The following LRP1B variants were observed in gnomAD, a reference collection of about 807,000 sequenced individuals.
LRP1B encodes the protein LDL receptor related protein 1B.
A neutral mutation model predicts 556.6 loss-of-function variants in LRP1B; 217 were observed. That is an observed-to-expected ratio of 0.39 (90% confidence interval 0.35 to 0.44). The LOEUF (loss-of-function observed/expected upper bound fraction) is 0.44. LRP1B is among the 20% of genes least tolerant of loss of function. The pLI is 1.00. For synonymous variants in LRP1B, 2,047 were observed against 1,865.8 expected (o/e 1.10, Z -2.50); for missense variants, 5,053 against 5,620.8 (o/e 0.90, Z 3.23).
intron 66 of LRP1B, among the ~76,000 whole-genome samples, chr2:140,403,423 A>G (rs1312664570): frequency 6.6e-6 from 1 of 152,188 alleles, no homozygotes; most frequent in African/African-American, 2.4e-5. Context: ...GATGTCATGA[A>G]TAATAACCAA....
chr2:140,733,257 A>T (rs1687836977), intron 35 of LRP1B, among the ~76,000 whole-genome samples: 1 of 152,074 alleles, frequency 6.6e-6, no homozygotes, highest in Admixed American at 6.6e-5. Flanking sequence ...AACACATATG[A>T]GGGAGAGTGT....
intron 27 of LRP1B, among the ~76,000 whole-genome samples, chr2:140,863,694 C>G (rs1692865103): frequency 6.6e-6 from 1 of 152,130 alleles, no homozygotes; most frequent in African/African-American, 2.4e-5. Context: ...TAGTGACTGA[C>G]ATGAGGGAAG....
rs554607279 is a variant in LRP1B, at chr2:141,696,442, G to T, written c.205+113837C>A. 1.7e-4 allele frequency among the ~76,000 whole-genome samples: 26 copies of T among 151,892 alleles called. 1 individual carries two copies. In the South Asian group the frequency reaches 5.2e-3, roughly 30 times the overall value. On this transcript the variant is annotated intron_variant, in intron 2 of 90. Transcript: ENST00000389484. ...TATACAAAATATACCTTGTGATTTT[G>T]CTTTAAACTTATATTTACATTGCCT...
chr2:141,093,045 T>A (rs1700210867), intron 7 of LRP1B, among the ~76,000 whole-genome samples: 2 of 135,316 alleles, frequency 1.5e-5, no homozygotes, highest in Non-Finnish European at 3.2e-5. Context: ...CAAGACTTTT[T>A]TGTTGTTTTT....
chr2:141,644,954 T>C (rs1026110906), intron 2 of LRP1B, among the ~76,000 whole-genome samples: 3 of 152,066 alleles, frequency 2.0e-5, no homozygotes, highest in African/African-American at 7.2e-5. Flanking sequence ...GAAAGAAAAC[T>C]AATTTTAGGG....
At position 142,130,940 on chromosome 2, in the gene LRP1B, G is replaced by C; in HGVS notation, c.-211C>G. 1 of 605,632 alleles carries C rather than the reference G, an allele frequency of 1.7e-6. No individual in the cohort carries two copies. Among genetic ancestry groups the C allele is most frequent in the Non-Finnish European group, 3.0e-6 (1 of 337,198 alleles). The allele number at this position is 605,632 out of a possible 1,614,324, so 37.5% of individuals were successfully genotyped here. ...GGAAGGTGGAGGGATGCGCGCGTGC[G>C]GGAGAGAGGAGGCAGAGCGTGTGTG... On this transcript the variant is annotated 5_prime_UTR_variant, in exon 1 of 91. Transcript: ENST00000389484.
intron 41 of LRP1B, among the ~76,000 whole-genome samples, chr2:140,663,095 A>AT (rs1226500186): frequency 1.3e-5 from 2 of 152,190 alleles, no homozygotes; most frequent in African/African-American, 4.8e-5. Context: ...CAGCTCAATG[A>AT]TATGTTAAAT....
intron 35 of LRP1B, among the ~76,000 whole-genome samples, chr2:140,721,291 G>T (rs924246444): frequency 1.3e-5 from 2 of 151,980 alleles, no homozygotes; most frequent in Non-Finnish European, 1.5e-5. Context: ...TAAAGCATAT[G>T]ATTTTTCCCA....
At chr2:140,849,602 T>C (rs567311172) in intron 29 of LRP1B, among the ~76,000 whole-genome samples, 29 of 152,168 alleles carry the variant, frequency 1.9e-4, no homozygotes, top group African/African-American at 6.5e-4. Context: ...CACAATGACA[T>C]GATCTTGGTT....
chr2:141,466,013 C>T (rs747719611), intron 3 of LRP1B, among the ~76,000 whole-genome samples: 19 of 152,056 alleles, frequency 1.2e-4, no homozygotes, highest in Non-Finnish European at 2.5e-4. Context: ...CTCAGCCTCC[C>T]GAGTAGCTGG....
chr2:140,463,510 C>T (rs1208169474), intron 60 of LRP1B, among the ~76,000 whole-genome samples: 1 of 152,140 alleles, frequency 6.6e-6, no homozygotes, highest in Non-Finnish European at 1.5e-5. Flanking sequence ...TGCAATCCTA[C>T]TTGATAGTAA....
intron 27 of LRP1B, among the ~76,000 whole-genome samples, chr2:140,855,205 C>G (rs76386314): frequency 6.6e-6 from 1 of 151,862 alleles, no homozygotes; most frequent in African/African-American, 2.4e-5. Flanking sequence ...TAACCTGGTA[C>G]TCAACTCTCT....
chr2:141,668,411 C>T (rs994757554), intron 2 of LRP1B, among the ~76,000 whole-genome samples: 7 of 152,088 alleles, frequency 4.6e-5, no homozygotes, highest in African/African-American at 7.2e-5. Flanking sequence ...CACCACACCC[C>T]CCTATCCTAT....
At chr2:140,881,453 A>G (rs1264080219) in intron 25 of LRP1B, among the ~76,000 whole-genome samples, 1 of 152,130 alleles carries the variant, frequency 6.6e-6, no homozygotes, top group South Asian at 2.1e-4. Context: ...TATGATGTTT[A>G]TATAAACTTT....
intron 32 of LRP1B, among the ~76,000 whole-genome samples, chr2:140,779,295 A>C (rs1453898910): frequency 1.3e-5 from 2 of 152,210 alleles, no homozygotes; most frequent in Non-Finnish European, 2.9e-5. Context: ...ACCATGCTAG[A>C]CTTCTCTTCA....
At chr2:140,638,161 A>G (rs989440890) in intron 41 of LRP1B, among the ~76,000 whole-genome samples, 3 of 152,342 alleles carry the variant, frequency 2.0e-5, no homozygotes, top group African/African-American at 4.8e-5. Flanking sequence ...ATAATTTTAC[A>G]GTAAGTAATT....
chr2:141,392,460 TAA>T (rs10636398), intron 3 of LRP1B, among the ~76,000 whole-genome samples: 8 of 96,068 alleles, frequency 8.3e-5, no homozygotes, highest in African/African-American at 2.4e-4. Flanking sequence ...TGTCCTCTCT[TAA>T]AAAAAAAAAA....
intron 21 of LRP1B, among the ~76,000 whole-genome samples, chr2:140,910,208 A>G (rs1462510103): frequency 1.3e-5 from 2 of 151,796 alleles, no homozygotes; most frequent in African/African-American, 4.8e-5. Flanking sequence ...AAATATCAAT[A>G]AAGATATTAA....
intron 41 of LRP1B, among the ~76,000 whole-genome samples, chr2:140,652,996 T>G (rs1684743615): frequency 6.6e-6 from 1 of 152,040 alleles, no homozygotes; most frequent in Non-Finnish European, 1.5e-5. Flanking sequence ...CTAAGAAAGC[T>G]AAGTAGCACC....
Sources: gnomAD v4.1 joint callset for allele counts (sites outside exome capture counted in the v4.1 genomes callset) on GRCh38, gnomAD v4.1.1 for gene constraint, MANE v1.5 for transcripts, NCBI Gene and HGNC (gene_info 2026-07-23, HGNC 2026-07-21) for gene names.